LINC00305: variants seen among roughly 807,000 people sequenced by gnomAD.
The protein encoded by LINC00305 is long intergenic non-protein coding RNA 305.
At chr18:64,113,997 C>T (rs568926868) in intron 1 of LINC00305, among the ~76,000 whole-genome samples, 6 of 152,270 alleles carry the variant, frequency 3.9e-5, no homozygotes, top group Admixed American at 1.3e-4. Flanking sequence ...TGGCTGGGCG[C>T]GTTGGCTCAT....
At chr18:64,096,323 A>G (rs941312924) in intron 3 of LINC00305, among the ~76,000 whole-genome samples, 1 of 151,994 alleles carries the variant, frequency 6.6e-6, no homozygotes, top group Non-Finnish European at 1.5e-5. Flanking sequence ...AAGTTTTTAA[A>G]AACTTGGCAA....
intron 1 of LINC00305, among the ~76,000 whole-genome samples, chr18:64,143,617 C>CACATATGTACATGTACATATGTAT (rs2051478742): frequency 4.3e-5 from 5 of 115,054 alleles, no homozygotes; most frequent in South Asian, 2.5e-4. Context: ...TACATATGTA[C>CACATATGTACATGTACATATGTAT]ACATATGTAT....
chr18:64,115,284 T>A (rs1419544058), intron 1 of LINC00305, among the ~76,000 whole-genome samples: 1 of 152,178 alleles, frequency 6.6e-6, no homozygotes, highest in Admixed American at 6.5e-5. Context: ...GACACAGTAA[T>A]CTACCATGAG....
chr18:64,085,427 A>G lies in LINC00305; in HGVS notation n.541-5025T>C, dbSNP rs554265969. 6.0e-5 allele frequency among the ~76,000 whole-genome samples: 9 copies of G among 150,270 alleles called. No individual in the cohort carries two copies. In the South Asian group the frequency reaches 8.4e-4, roughly 14 times the overall value. ...TCTCCAGCATACTATTTCCATATAA[A>G]CTGTATGTTGTGTTACTCTAATCTC... is the stretch of plus-strand genomic sequence containing the variant. On this transcript the variant is annotated intron_variant and non_coding_transcript_variant, in intron 3 of 3. Transcript: ENST00000666468.
At chr18:64,119,032 G>T (rs1422184541) in intron 1 of LINC00305, among the ~76,000 whole-genome samples, 1 of 151,818 alleles carries the variant, frequency 6.6e-6, no homozygotes, top group Non-Finnish European at 1.5e-5. Context: ...TACAAAAACA[G>T]AATCACATAC....
intron 1 of LINC00305, among the ~76,000 whole-genome samples, chr18:64,101,297 G>A (rs543144208): frequency 1.3e-5 from 2 of 152,270 alleles, no homozygotes; most frequent in East Asian, 3.9e-4. Context: ...TGGGAACAAT[G>A]CCCTCTGTAT....
At chr18:64,125,960 C>T (rs1003686436) in intron 1 of LINC00305, among the ~76,000 whole-genome samples, 1 of 152,082 alleles carries the variant, frequency 6.6e-6, no homozygotes, top group Non-Finnish European at 1.5e-5. Flanking sequence ...GACACTATTT[C>T]CTTGATCTTG....
intron 1 of LINC00305, among the ~76,000 whole-genome samples, chr18:64,107,764 A>G (rs1407168632): frequency 6.6e-6 from 1 of 152,216 alleles, no homozygotes; most frequent in Non-Finnish European, 1.5e-5. Flanking sequence ...CTTATAGGGT[A>G]GAGTCAGAGG....
At chr18:64,145,285 A>G (rs1284394231) in intron 1 of LINC00305, among the ~76,000 whole-genome samples, 1 of 152,176 alleles carries the variant, frequency 6.6e-6, no homozygotes, top group African/African-American at 2.4e-5. Context: ...ACTTCTACAT[A>G]CAAATGTTAT....
At chr18:64,093,645 G>T (rs1019782685) in intron 3 of LINC00305, among the ~76,000 whole-genome samples, 1 of 152,100 alleles carries the variant, frequency 6.6e-6, no homozygotes, top group African/African-American at 2.4e-5. Flanking sequence ...ATCCTACCCT[G>T]TCAATATGTT....
At chr18:64,113,288 A>G (rs976100514) in intron 1 of LINC00305, among the ~76,000 whole-genome samples, 3 of 152,266 alleles carry the variant, frequency 2.0e-5, no homozygotes, top group African/African-American at 7.2e-5. Context: ...AATTTAAAAT[A>G]AAAACCTAGC....
chr18:64,111,529 G>A (rs1413242545), intron 1 of LINC00305, among the ~76,000 whole-genome samples: 1 of 152,216 alleles, frequency 6.6e-6, no homozygotes, highest in Admixed American at 6.5e-5. Flanking sequence ...TTATAGAATA[G>A]TAAGGAAAAT....
chr18:64,145,187 T>A (rs1296944948), intron 1 of LINC00305, among the ~76,000 whole-genome samples: 1 of 152,232 alleles, frequency 6.6e-6, no homozygotes, highest in African/African-American at 2.4e-5. Flanking sequence ...CGTTTCTGTT[T>A]TAAGGCTCTG....
intron 3 of LINC00305, among the ~76,000 whole-genome samples, chr18:64,083,336 G>A (rs1389999122): frequency 6.6e-6 from 1 of 152,168 alleles, no homozygotes; most frequent in Admixed American, 6.5e-5. Flanking sequence ...ACCTCACCGC[G>A]ATACCCCATT....
At chr18:64,085,053 G>A (rs2051198374) in intron 3 of LINC00305, among the ~76,000 whole-genome samples, 1 of 152,188 alleles carries the variant, frequency 6.6e-6, no homozygotes. Context: ...CGAAAAAATT[G>A]TGGATGTGCA....
intron 3 of LINC00305, among the ~76,000 whole-genome samples, chr18:64,090,857 C>T (rs933093932): frequency 1.3e-5 from 2 of 152,162 alleles, no homozygotes; most frequent in Non-Finnish European, 2.9e-5. Context: ...ACTGACATGA[C>T]ACCATTTATG....
At chr18:64,081,184 C>T (rs1197558768) in intron 3 of LINC00305, among the ~76,000 whole-genome samples, 1 of 152,166 alleles carries the variant, frequency 6.6e-6, no homozygotes, top group African/African-American at 2.4e-5. Flanking sequence ...GTCACATTGC[C>T]TTTTGGCAAG....
chr18:64,100,972 T>C (rs2051265873), intron 1 of LINC00305, among the ~76,000 whole-genome samples: 1 of 152,178 alleles, frequency 6.6e-6, no homozygotes, highest in African/African-American at 2.4e-5. Context: ...AGGATTCCTC[T>C]GTGAAAACCT....
intron 1 of LINC00305, among the ~76,000 whole-genome samples, chr18:64,133,035 G>T (rs2051416986): frequency 6.6e-6 from 1 of 152,184 alleles, no homozygotes; most frequent in Admixed American, 6.5e-5. Context: ...TATGGCAGAA[G>T]CTCAGCCAGA....
Sources: gnomAD v4.1 joint callset for allele counts (sites outside exome capture counted in the v4.1 genomes callset) on GRCh38, gnomAD v4.1.1 for gene constraint, MANE v1.5 for transcripts, NCBI Gene and HGNC (gene_info 2026-07-23, HGNC 2026-07-21) for gene names.